The following FBXW2 variants were observed in gnomAD, a reference collection of about 807,000 sequenced individuals.
The protein encoded by FBXW2 is F-box and WD repeat domain containing 2.
Under a neutral mutation model 46.0 loss-of-function variants are expected in FBXW2, and 12 were observed. That is an observed-to-expected ratio of 0.26 (90% CI 0.17 to 0.42). The LOEUF is 0.42. Among genes scored for constraint, FBXW2 ranks in the 10% least tolerant of loss-of-function variants. The pLI is 1.00. For synonymous variants in FBXW2, 203 were observed against 209.6 expected, an observed-to-expected ratio of 0.97 and a Z score of 0.27; for missense variants, 360 against 537.0, an observed-to-expected ratio of 0.67 and a Z score of 3.26.
chr9:120,778,335 A>G lies in FBXW2; in HGVS notation c.685+16T>C, dbSNP rs1401075850. The G allele has an allele frequency of 1.9e-6, 3 of 1,604,066 alleles. No individual in the cohort carries two copies. The highest frequency in any genetic ancestry group is 1.7e-6 in the Non-Finnish European group (2 of 1,175,856). ...TGAGGCTAAGTTGTAAAAACCCTTGAAAAAGGGCAACCCACCCGCCCCCGT... is the reference window on the plus strand; with the variant it reads ...TGAGGCTAAGTTGTAAAAACCCTTGGAAAAGGGCAACCCACCCGCCCCCGT... On this transcript the variant is annotated intron_variant, in intron 4 of 7. Coordinates refer to ENST00000608872, the MANE Select transcript of FBXW2 (RefSeq NM_012164.4).
At chr9:120,774,437 G>A (rs2044448953) in intron 5 of FBXW2, among the ~76,000 whole-genome samples, 1 of 152,006 alleles carries the variant, frequency 6.6e-6, no homozygotes, top group South Asian at 2.1e-4. Flanking sequence ...ACTTAAGCCT[G>A]GGGATTCAAA....
intron 5 of FBXW2, among the ~76,000 whole-genome samples, chr9:120,773,541 A>C (rs1347325326): frequency 6.6e-6 from 1 of 152,232 alleles, no homozygotes; most frequent in African/African-American, 2.4e-5. Context: ...TGTAAATTAT[A>C]GTAGTAACAA....
At chr9:120,776,337 A>G in intron 4 of FBXW2, 111 bp from the exon 5 acceptor site, 1 of 1,252,220 alleles carries the variant, frequency 8.0e-7, no homozygotes, top group Non-Finnish European at 1.1e-6. Context: ...AACCAGAGAC[A>G]CCGTAAGAAT....
chr9:120,790,913 A>G (rs1291074986), intron 2 of FBXW2, among the ~76,000 whole-genome samples: 1 of 152,212 alleles, frequency 6.6e-6, no homozygotes, highest in Non-Finnish European at 1.5e-5. Flanking sequence ...AAATTCAGCC[A>G]TGTCTCAGAT....
intron 3 of FBXW2, among the ~76,000 whole-genome samples, chr9:120,786,527 G>GT (rs1051626679): frequency 2.6e-5 from 4 of 152,156 alleles, no homozygotes; most frequent in African/African-American, 7.2e-5. Flanking sequence ...GTCTTAGGCA[G>GT]TTTTTTTAGC....
At position 120,788,585 on chromosome 9, in the gene FBXW2, T is replaced by C. The variant is rs146645206; in HGVS notation, c.-20-307A>G. Among the ~76,000 whole-genome samples, 296 of 152,350 alleles carry C rather than the reference T, an allele frequency of 1.9e-3. 1 individual carries two copies. The highest frequency in any genetic ancestry group is 5.4e-3 in the South Asian group (26 of 4,828). On this transcript the variant is annotated intron_variant, in intron 2 of 7. Coordinates refer to ENST00000608872, the MANE Select transcript of FBXW2 (RefSeq NM_012164.4). The stretch of plus-strand genomic sequence containing the variant: ...CGTGCTACATGCATCTTCATAGTAA[T>C]AGATTTACCAACAATTCATTATAAA...
intron 7 of FBXW2, among the ~76,000 whole-genome samples, chr9:120,765,598 A>T (rs1178638267): frequency 1.3e-5 from 2 of 152,226 alleles, no homozygotes; most frequent in Non-Finnish European, 2.9e-5. Context: ...AAAAAGATGT[A>T]TTCATCAACT....
intron 2 of FBXW2, among the ~76,000 whole-genome samples, chr9:120,788,845 G>GA (rs2044774898): frequency 6.6e-6 from 1 of 152,196 alleles, no homozygotes; most frequent in African/African-American, 2.4e-5. Context: ...ATGTTCAGAT[G>GA]AAAAGGTTTA....
intron 2 of FBXW2, among the ~76,000 whole-genome samples, chr9:120,791,347 C>G (rs572863042): frequency 1.3e-5 from 2 of 152,282 alleles, no homozygotes; most frequent in Admixed American, 1.3e-4. Flanking sequence ...GACACAGAGG[C>G]AGAATGTGAT....
rs550006911 is a variant in FBXW2 at position 120,789,024 on chromosome 9, G to A, written c.-20-746C>T. On this transcript the variant is annotated intron_variant, in intron 2 of 7. Transcript: ENST00000608872. The stretch of plus-strand genomic sequence containing the variant: ...TGACAACTCTTAACCACGTGCCCCC[G>A]AGAGCCATGAGGGGTCCTGGAGGCC... Among the ~76,000 whole-genome samples, 34 of 152,040 alleles carry A rather than the reference G, an allele frequency of 2.2e-4. 1 individual carries two copies. In the South Asian group the frequency reaches 6.5e-3, roughly 29 times the overall value.
chr9:120,789,193 C>A (rs1588052243), intron 2 of FBXW2, among the ~76,000 whole-genome samples: 1 of 152,190 alleles, frequency 6.6e-6, no homozygotes, highest in South Asian at 2.1e-4. Context: ...TAAATAGCCA[C>A]AGAACAGACT....
intron 3 of FBXW2, among the ~76,000 whole-genome samples, chr9:120,786,147 A>G (rs956653825): frequency 2.0e-5 from 3 of 152,204 alleles, no homozygotes; most frequent in African/African-American, 7.2e-5. Flanking sequence ...ACACTAATAA[A>G]AACAGAAACA....
At chr9:120,782,743 A>G (rs972880840) in intron 3 of FBXW2, among the ~76,000 whole-genome samples, 1 of 152,124 alleles carries the variant, frequency 6.6e-6, no homozygotes, top group Non-Finnish European at 1.5e-5. Flanking sequence ...TTGGGAGGCC[A>G]AAGTGGAAGA....
intron 7 of FBXW2, among the ~76,000 whole-genome samples, chr9:120,767,296 A>G (rs895754326): frequency 2.6e-5 from 4 of 152,220 alleles, no homozygotes; most frequent in Non-Finnish European, 5.9e-5. Context: ...CCTGCTTGAA[A>G]AGCAGAGAGT....
At chr9:120,782,806 TACTCCAACC>T (rs1564460122) in intron 3 of FBXW2, among the ~76,000 whole-genome samples, 1 of 152,062 alleles carries the variant, frequency 6.6e-6, no homozygotes, top group Non-Finnish European at 1.5e-5. Context: ...CATGTCACTG[TACTCCAACC>T]ACTCCAACCT....
At chr9:120,792,688 C>A (rs1180446527) in intron 2 of FBXW2, among the ~76,000 whole-genome samples, 1 of 152,156 alleles carries the variant, frequency 6.6e-6, no homozygotes, top group Non-Finnish European at 1.5e-5. Flanking sequence ...TGTCTCATGC[C>A]CTGTTTCCTC....
chr9:120,787,854 G>A lies in FBXW2; in HGVS notation c.405C>T (p.Asp135=). 1 of 1,614,150 alleles carries A rather than the reference G, an allele frequency of 6.2e-7. No homozygotes were observed. The highest frequency in any genetic ancestry group is 8.5e-7 in the Non-Finnish European group (1 of 1,180,032). ...ATGACGAGGTTTCAAAGGCTTCATGGTCCTCCAGTTGCTTCATTCTCAAAA... is the reference window on the plus strand; with the variant it reads ...ATGACGAGGTTTCAAAGGCTTCATGATCCTCCAGTTGCTTCATTCTCAAAA... ...KAILRMKQLE[D]HEAFETSSLI... is the part of the protein sequence containing the mutation. The change falls in exon 3 of 8, where the codon GAC becomes GAT. Residue 135 remains aspartate (D), a synonymous_variant. Transcript: ENST00000608872.
In FBXW2 at chr9:120,759,285, G is replaced by C. The variant is rs991389239; in HGVS notation, c.*5274C>G. The C allele has an allele frequency of 6.6e-6, 1 of 152,200 alleles. No homozygotes were observed. The highest frequency in any genetic ancestry group is 1.5e-5 in the Non-Finnish European group (1 of 68,022). The allele number at this position is 152,200 out of a possible 1,614,324, so 9.4% of individuals were successfully genotyped here. A position where few individuals can be genotyped will look rare whatever the true frequency, so the allele number is the denominator to read the frequency against. On this transcript the variant is annotated 3_prime_UTR_variant, in exon 8 of 8. Transcript: ENST00000608872. The stretch of plus-strand genomic sequence containing the variant: ...CAAATTTGCCTAATTGAGGGAATCT[G>C]CTTTAATGTACAGATATAAATGATT...
chr9:120,773,423 C>T (rs1373190771), intron 5 of FBXW2, among the ~76,000 whole-genome samples: 2 of 152,184 alleles, frequency 1.3e-5, no homozygotes, highest in African/African-American at 2.4e-5. Context: ...GCTGACTTTG[C>T]AACCTTGGAC....
Sources: allele counts gnomAD v4.1 joint callset (sites outside exome capture counted in the v4.1 genomes callset), GRCh38; gene constraint gnomAD v4.1.1; transcripts MANE v1.5; gene names NCBI Gene and HGNC (gene_info 2026-07-23, HGNC 2026-07-21).